The following HDAC5 variants were observed in gnomAD, a reference collection of about 807,000 sequenced individuals.
HDAC5 encodes the protein histone deacetylase 5, also known as antigen NY-CO-9.
HDAC5 carries 25 observed loss-of-function variants against 133.3 expected under a neutral mutation model. The observed-to-expected ratio is 0.19, with a 90% CI of 0.14 to 0.26. HDAC5 has a LOEUF of 0.26. HDAC5 is among the 10% of genes least tolerant of loss of function. The pLI, the probability that HDAC5 is intolerant of heterozygous loss-of-function variation, is 1.00. For missense variants in HDAC5, 1,041 were observed against 1,460.5 expected (o/e 0.71, Z 4.68); for synonymous variants, 589 against 610.8 (o/e 0.96, Z 0.53).
intron 1 of HDAC5, chr17:44,120,741 CA>C (rs768119448): frequency 0.024 from 2,903 of 123,402 alleles, 66 homozygotes; most frequent in African/African-American, 0.072. Context: ...ATCTCCATCT[CA>C]AAAAAAAAAA....
At chr17:44,100,788 ATTT>A (rs201556772) in intron 3 of HDAC5, among the ~76,000 whole-genome samples, 20 of 148,370 alleles carry the variant, frequency 1.3e-4, no homozygotes, top group African/African-American at 5.0e-4. Context: ...TACATACGTA[ATTT>A]TTTTTTCTTT....
Position 44,092,659 on chromosome 17 carries a change from GT to G in HDAC5, c.772+16del. On this transcript the variant is annotated intron_variant, in intron 7 of 26. Coordinates refer to ENST00000682912, the MANE Select transcript of HDAC5 (RefSeq NM_005474.5). ...CAGGAGCCATATTCTGGGAGGCCAGGTGGGGGACTCACTCACCTGTTTTGCG... is the reference window on the plus strand; with the variant it reads ...CAGGAGCCATATTCTGGGAGGCCAGGGGGGGACTCACTCACCTGTTTTGCG... The G allele has an allele frequency of 6.5e-7, 1 of 1,527,618 alleles. No homozygotes were observed. The highest frequency in any genetic ancestry group is 1.3e-5 in the South Asian group (1 of 78,840). The allele number at this position is 1,527,618 out of a possible 1,614,324, so 94.6% of individuals were successfully genotyped here. A position where few individuals can be genotyped will look rare whatever the true frequency, so the allele number is the denominator to read the frequency against.
chr17:44,095,265 A>G (rs767065322), intron 3 of HDAC5, among the ~76,000 whole-genome samples: 30 of 152,344 alleles, frequency 2.0e-4, no homozygotes, highest in African/African-American at 7.0e-4. Context: ...AGGTGATCCA[A>G]TAACTAGAAT....
At chr17:44,092,573 C>T (rs764891503) in intron 7 of HDAC5, 46 bp from the exon 8 acceptor site, 5 of 1,585,670 alleles carry the variant, frequency 3.2e-6, no homozygotes, top group Admixed American at 1.7e-5. Flanking sequence ...CAGCAGCACA[C>T]ATCTGCAGCT....
At chr17:44,114,446 G>C (rs558617199) in intron 2 of HDAC5, among the ~76,000 whole-genome samples, 10 of 152,186 alleles carry the variant, frequency 6.6e-5, no homozygotes, top group African/African-American at 1.9e-4. Flanking sequence ...GTGGGGGGGG[G>C]GGGCTGCTGC....
chr17:44,104,642 A>G (rs2051822235), intron 3 of HDAC5, among the ~76,000 whole-genome samples: 1 of 152,230 alleles, frequency 6.6e-6, no homozygotes, highest in African/African-American at 2.4e-5. Flanking sequence ...ACCTCCAGGA[A>G]GGGCCACTCT....
intron 14 of HDAC5, 172 bp from the exon 15 acceptor site, chr17:44,085,327 T>A: frequency 9.4e-5 from 3 of 31,910 alleles, no homozygotes; most frequent in Non-Finnish European, 5.1e-4. Flanking sequence ...CCTCTCCAGC[T>A]TTTTTTTTTT....
At chr17:44,105,607 C>G (rs1354310675) in intron 3 of HDAC5, among the ~76,000 whole-genome samples, 3 of 152,204 alleles carry the variant, frequency 2.0e-5, no homozygotes, top group Non-Finnish European at 4.4e-5. Flanking sequence ...CAGCAGGGCA[C>G]CCTGCCCACC....
intron 23 of HDAC5, 133 bp from the exon 24 acceptor site, chr17:44,079,410 G>A: frequency 2.5e-6 from 2 of 802,794 alleles, no homozygotes; most frequent in East Asian, 2.7e-5. Flanking sequence ...GGGAGGCCAA[G>A]GCGGGCAGAT....
intron 3 of HDAC5, among the ~76,000 whole-genome samples, chr17:44,097,910 T>C (rs909603459): frequency 2.6e-5 from 4 of 152,222 alleles, no homozygotes; most frequent in African/African-American, 9.6e-5. Flanking sequence ...GCAGCAGAGA[T>C]GTTAGGCCCG....
At position 44,091,339 on chromosome 17, in the gene HDAC5, C is replaced by G; in HGVS notation, c.1318G>C (p.Gly440Arg). The G allele has an allele frequency of 6.2e-7, 1 of 1,608,062 alleles. No individual in the cohort carries two copies. The highest frequency in any genetic ancestry group is 8.5e-7 in the Non-Finnish European group (1 of 1,177,512). Residue 440 changes from glycine (G) to arginine (R), a missense_variant, in exon 11 of 27, where the codon GGG becomes CGG. Coordinates refer to ENST00000682912, the MANE Select transcript of HDAC5 (RefSeq NM_005474.5). ...ACATGCTGCAGCAGGGAGGCATGCCCGTGGGGGCTCCCGTCGCCCTCCAGT... is the reference window on the plus strand; with the variant it reads ...ACATGCTGCAGCAGGGAGGCATGCCGGTGGGGGCTCCCGTCGCCCTCCAGT... ...VALEGDGSPH[G>R]HASLLQHVLL...
chr17:44,118,604 T>TC (rs1295372132), intron 1 of HDAC5, among the ~76,000 whole-genome samples: 2 of 152,120 alleles, frequency 1.3e-5, no homozygotes, highest in African/African-American at 2.4e-5. Flanking sequence ...CCTCCAGTTC[T>TC]CCCCCACAGT....
intron 13 of HDAC5, among the ~76,000 whole-genome samples, chr17:44,087,076 G>A (rs1012622401): frequency 6.6e-6 from 1 of 151,796 alleles, no homozygotes; most frequent in African/African-American, 2.4e-5. Context: ...GAGGCAGACA[G>A]TAGTAACAGC....
chr17:44,097,917 C>T lies in HDAC5; in HGVS notation c.95-4083G>A, dbSNP rs972396213. On this transcript the variant is annotated intron_variant, in intron 3 of 26. Coordinates refer to ENST00000682912, the MANE Select transcript of HDAC5 (RefSeq NM_005474.5). ...CCACTGCAGCAGCAGAGATGTTAGG[C>T]CCGGAGCTGCAGCGGGAACCACAGC... 2.0e-5 allele frequency among the ~76,000 whole-genome samples: 3 copies of T among 152,264 alleles called. 1 individual carries two copies. Among genetic ancestry groups the T allele is most frequent in the African/African-American group, 7.2e-5 (3 of 41,470 alleles).
In HDAC5 at chr17:44,091,754, G is replaced by A. The variant is rs760463425; in HGVS notation, c.1110C>T (p.Pro370=). 4.4e-6 allele frequency: 7 copies of A among 1,602,854 alleles called. No homozygotes were observed. Among genetic ancestry groups the A allele is most frequent in the Admixed American group, 3.4e-5 (2 of 58,262 alleles). Residue 370 remains proline (P), a synonymous_variant, in exon 10 of 27, where the codon CCC becomes CCT. Coordinates refer to ENST00000682912, the MANE Select transcript of HDAC5 (RefSeq NM_005474.5). ...TGGCCTGCAGCCCTAGGGAGATGTTGGGCAGAGAAGGAGACGTGTAGAGGC... is the reference window on the plus strand; with the variant it reads ...TGGCCTGCAGCCCTAGGGAGATGTTAGGCAGAGAAGGAGACGTGTAGAGGC... ...QFSLYTSPSL[P]NISLGLQATV... is the part of the protein sequence containing the mutation.
At chr17:44,094,673 T>A (rs1366437338) in intron 3 of HDAC5, among the ~76,000 whole-genome samples, 1 of 152,076 alleles carries the variant, frequency 6.6e-6, no homozygotes, top group Non-Finnish European at 1.5e-5. Flanking sequence ...CATGAAGCTG[T>A]ACCTGACAGA....
chr17:44,096,384 T>C (rs228746), intron 3 of HDAC5, among the ~76,000 whole-genome samples: 101,556 of 151,420 alleles, frequency 0.67, 35,623 homozygotes, highest in South Asian at 0.88. Context: ...ATCTTCTGCC[T>C]TCATGAGCTG....
intron 3 of HDAC5, among the ~76,000 whole-genome samples, chr17:44,103,053 C>A (rs1421513854): frequency 2.6e-5 from 4 of 152,118 alleles, no homozygotes; most frequent in Admixed American, 2.0e-4. Context: ...GCCCTCAGGA[C>A]CTCCCTCACC....
chr17:44,082,910 G>A (rs2050463333), intron 18 of HDAC5, 90 bp from the exon 19 acceptor site: 2 of 1,115,378 alleles, frequency 1.8e-6, no homozygotes, highest in Non-Finnish European at 2.7e-6. Flanking sequence ...AGCCAGGCAG[G>A]GAAGTGAACA....
Sources: allele counts gnomAD v4.1 joint callset (sites outside exome capture counted in the v4.1 genomes callset), GRCh38; gene constraint gnomAD v4.1.1; transcripts MANE v1.5; gene names NCBI Gene and HGNC (gene_info 2026-07-23, HGNC 2026-07-21).